RORA: variants seen among roughly 807,000 people sequenced by gnomAD.
The protein encoded by RORA is nuclear receptor ROR-alpha.
RORA carries 7 observed loss-of-function variants against 69.5 expected under a neutral mutation model. That is an observed-to-expected ratio of 0.10 (90% CI 0.06 to 0.19). The LOEUF (loss-of-function observed/expected upper bound fraction) is 0.19, where lower values mean the gene tolerates loss of function less well. RORA is among the 10% of genes least tolerant of loss of function. The probability of loss-of-function intolerance (pLI) is 1.00; values close to 1 mark genes in which losing one functional copy is unlikely to be tolerated. For synonymous variants in RORA, 261 were observed against 240.8 expected (o/e 1.08, Z -0.78); for missense variants, 457 against 663.0 (o/e 0.69, Z 3.41).
intron 2 of RORA, among the ~76,000 whole-genome samples, chr15:60,661,841 G>C (rs951077887): frequency 1.3e-5 from 2 of 152,204 alleles, no homozygotes; most frequent in African/African-American, 4.8e-5. Flanking sequence ...TCTGGTCCCA[G>C]AGGGAACAGG....
chr15:60,728,147 G>A (rs1407820146), intron 1 of RORA, among the ~76,000 whole-genome samples: 1 of 152,208 alleles, frequency 6.6e-6, no homozygotes, highest in African/African-American at 2.4e-5. Flanking sequence ...CCATCCGGGT[G>A]ACTATTCTTC....
intron 1 of RORA, among the ~76,000 whole-genome samples, chr15:60,870,820 G>A (rs1236306347): frequency 6.6e-6 from 1 of 152,232 alleles, no homozygotes; most frequent in Non-Finnish European, 1.5e-5. Context: ...AACTGTCCCT[G>A]TGACATAAGC....
intron 1 of RORA, among the ~76,000 whole-genome samples, chr15:61,119,441 AATAT>A (rs766044056): frequency 6.7e-6 from 1 of 150,250 alleles, no homozygotes; most frequent in African/African-American, 2.5e-5. Context: ...CACACACACA[AATAT>A]ATATATACAC....
At chr15:60,705,574 G>C (rs1376685352) in intron 1 of RORA, among the ~76,000 whole-genome samples, 1 of 152,130 alleles carries the variant, frequency 6.6e-6, no homozygotes, top group Non-Finnish European at 1.5e-5. Flanking sequence ...TCGAGACAAG[G>C]CCATTTTCTA....
At chr15:61,156,219 G>A (rs1319901453) in intron 1 of RORA, among the ~76,000 whole-genome samples, 4 of 152,092 alleles carry the variant, frequency 2.6e-5, no homozygotes, top group Non-Finnish European at 4.4e-5. Context: ...GGGGGGAAAA[G>A]TTTGAAGATA....
chr15:61,089,596 G>A (rs943007499), intron 1 of RORA, among the ~76,000 whole-genome samples: 1 of 152,150 alleles, frequency 6.6e-6, no homozygotes, highest in Non-Finnish European at 1.5e-5. Flanking sequence ...AAGGTCTCTA[G>A]ACAGAAGATC....
chr15:60,615,076 G>T (rs529904039), intron 2 of RORA: 1 of 1,587,852 alleles, frequency 6.3e-7, no homozygotes, highest in South Asian at 1.1e-5. Flanking sequence ...CCCCCTTTCT[G>T]CTTCCTAGAA....
Position 60,502,784 on chromosome 15 carries a change from T to C in RORA, c.1159A>G (p.Ser387Gly). 1 of 1,613,424 alleles carries C rather than the reference T, an allele frequency of 6.2e-7. No individual in the cohort carries two copies. Among genetic ancestry groups the C allele is most frequent in the African/African-American group, 1.3e-5 (1 of 75,036 alleles). ...NTVYFDGKYA[S>G]PDVFKSLGCE... ...CCTAAGGATTTGAAGACGTCGGGGC[T>C]GGCATACTTCCCATCAAAGTACACG... Residue 387 changes from serine to glycine, a missense_variant, in exon 8 of 11, where the codon AGC becomes GGC. Physicochemically the swap from Ser to Gly is moderately conservative, Grantham distance 56. This residue lies in a region of RORA where 304 missense variants were observed against 447.4 expected (regional missense o/e 0.68). Transcript: ENST00000335670.
At chr15:60,997,041 G>T (rs1419739143) in intron 1 of RORA, among the ~76,000 whole-genome samples, 4 of 147,462 alleles carry the variant, frequency 2.7e-5, no homozygotes, top group African/African-American at 1.0e-4. Flanking sequence ...ATTGGGGTTT[G>T]TGTGTGTGTG....
intron 1 of RORA, among the ~76,000 whole-genome samples, chr15:60,887,389 T>A (rs2073763811): frequency 6.6e-6 from 1 of 151,910 alleles, no homozygotes; most frequent in South Asian, 2.1e-4. Context: ...TAAACGGGGT[T>A]TTTACAGGAA....
intron 1 of RORA, among the ~76,000 whole-genome samples, chr15:60,917,743 T>C (rs1460764046): frequency 1.3e-5 from 2 of 152,224 alleles, no homozygotes; most frequent in African/African-American, 4.8e-5. Context: ...AGGAGTTAAG[T>C]TTCTTTGCGT....
chr15:60,732,236 A>G (rs2071438775), intron 1 of RORA, among the ~76,000 whole-genome samples: 1 of 152,270 alleles, frequency 6.6e-6, no homozygotes, highest in African/African-American at 2.4e-5. Context: ...ATTTTAAAAT[A>G]TAGTAACCAT....
chr15:60,709,234 G>C (rs750759659), intron 1 of RORA, among the ~76,000 whole-genome samples: 5 of 152,166 alleles, frequency 3.3e-5, no homozygotes, highest in Admixed American at 2.6e-4. Context: ...GTAATTAACA[G>C]CTACTACCAT....
chr15:61,057,905 A>G (rs1327415388), intron 1 of RORA, among the ~76,000 whole-genome samples: 1 of 152,218 alleles, frequency 6.6e-6, no homozygotes, highest in African/African-American at 2.4e-5. Context: ...GGGAAGTTTG[A>G]AGGACAGGCA....
intron 2 of RORA, among the ~76,000 whole-genome samples, chr15:60,570,762 C>T (rs1327533180): frequency 6.6e-6 from 1 of 152,128 alleles, no homozygotes; most frequent in African/African-American, 2.4e-5. Context: ...TAGAGGGTCA[C>T]AGTACAGTAG....
chr15:60,889,665 C>T (rs899499490), intron 1 of RORA, among the ~76,000 whole-genome samples: 1 of 152,204 alleles, frequency 6.6e-6, no homozygotes, highest in African/African-American at 2.4e-5. Context: ...GAACTTAGAT[C>T]TGGACGGCCT....
At chr15:61,216,431 C>A (rs749333417) in intron 1 of RORA, among the ~76,000 whole-genome samples, 5 of 152,122 alleles carry the variant, frequency 3.3e-5, no homozygotes, top group Non-Finnish European at 7.3e-5. Context: ...CAGTGGGTCA[C>A]CATAGTGGAG....
At chr15:60,846,133 G>T (rs1357815216) in intron 1 of RORA, among the ~76,000 whole-genome samples, 1 of 152,084 alleles carries the variant, frequency 6.6e-6, no homozygotes, top group Non-Finnish European at 1.5e-5. Context: ...CTTGTCCTAG[G>T]GAAATGAATC....
intron 1 of RORA, among the ~76,000 whole-genome samples, chr15:60,832,620 C>T (rs963812510): frequency 5.9e-5 from 9 of 151,896 alleles, no homozygotes; most frequent in African/African-American, 2.2e-4. Context: ...CATCTATACC[C>T]AAACTAATGT....
Sources: allele counts gnomAD v4.1 joint callset (sites outside exome capture counted in the v4.1 genomes callset), GRCh38; gene constraint gnomAD v4.1.1; regional missense constraint gnomAD v4.1.1; transcripts MANE v1.5; gene names NCBI Gene and HGNC (gene_info 2026-07-23, HGNC 2026-07-21).